KIT: variants seen among roughly 807,000 people sequenced by gnomAD.
KIT encodes mast/stem cell growth factor receptor Kit.
KIT carries 16 observed loss-of-function variants against 105.7 expected under a neutral mutation model. The observed-to-expected ratio is 0.15, with a 90% CI of 0.10 to 0.23. KIT has a LOEUF of 0.23. Ranked by LOEUF, KIT falls within the 10% of genes least tolerant of loss-of-function variation. KIT has a pLI of 1.00. For missense variants in KIT, 858 were observed against 1,213.8 expected, an observed-to-expected ratio of 0.71 and a Z score of 4.36; for synonymous variants, 438 against 441.1, an observed-to-expected ratio of 0.99 and a Z score of 0.09.
intron 1 of KIT, among the ~76,000 whole-genome samples, chr4:54,661,644 GTTGAGATTGAATGACATT>G (rs1452938012): frequency 2.4e-4 from 36 of 152,216 alleles, no homozygotes; most frequent in Non-Finnish European, 5.1e-4. Flanking sequence ...ACTTTTAAAA[GTTGAGATTGAATGACATT>G]TGCAGGAATC....
At chr4:54,692,032 T>C (rs1719747454) in intron 1 of KIT, among the ~76,000 whole-genome samples, 1 of 152,214 alleles carries the variant, frequency 6.6e-6, no homozygotes, top group Middle Eastern at 3.2e-3. Flanking sequence ...CTAACATTTA[T>C]TATGTGTTTT....
At chr4:54,669,359 G>A (rs1332074602) in intron 1 of KIT, among the ~76,000 whole-genome samples, 2 of 152,210 alleles carry the variant, frequency 1.3e-5, no homozygotes, top group Non-Finnish European at 2.9e-5. Context: ...CAGAACCACT[G>A]CCTTTCAAAG....
chr4:54,725,529 A>G (rs1043176051), intron 8 of KIT, among the ~76,000 whole-genome samples: 13 of 152,088 alleles, frequency 8.5e-5, no homozygotes, highest in Non-Finnish European at 1.8e-4. Context: ...CATTTTATTG[A>G]ATTCCTTTCC....
At chr4:54,690,062 G>GT (rs941903332) in intron 1 of KIT, among the ~76,000 whole-genome samples, 5 of 138,406 alleles carry the variant, frequency 3.6e-5, no homozygotes, top group Non-Finnish European at 6.6e-5. Flanking sequence ...TTTTTGTGGG[G>GT]GGGGGGGGCT....
intron 1 of KIT, among the ~76,000 whole-genome samples, chr4:54,682,264 A>G (rs2109610595): frequency 6.6e-6 from 1 of 151,062 alleles, no homozygotes; most frequent in African/African-American, 2.4e-5. Context: ...TAATTTTTGT[A>G]TTTTTTGCAG....
At chr4:54,710,130 A>G (rs899263794) in intron 7 of KIT, among the ~76,000 whole-genome samples, 2 of 152,172 alleles carry the variant, frequency 1.3e-5, no homozygotes, top group African/African-American at 4.8e-5. Context: ...CTGGGGTCCT[A>G]CCGACCCCAC....
intron 1 of KIT, among the ~76,000 whole-genome samples, chr4:54,692,095 A>C (rs1719750841): frequency 6.6e-6 from 1 of 152,196 alleles, no homozygotes; most frequent in Non-Finnish European, 1.5e-5. Flanking sequence ...TTATAAAATA[A>C]GTACTGTTAG....
intron 1 of KIT, among the ~76,000 whole-genome samples, chr4:54,674,448 G>C (rs1004866660): frequency 6.6e-6 from 1 of 152,164 alleles, no homozygotes; most frequent in African/African-American, 2.4e-5. Flanking sequence ...TTGTCATCTA[G>C]AGTTGTTGTG....
At chr4:54,721,948 A>G (rs1721904970) in intron 7 of KIT, among the ~76,000 whole-genome samples, 1 of 152,204 alleles carries the variant, frequency 6.6e-6, no homozygotes. Flanking sequence ...TTGGTTATCC[A>G]AGAAAGGTAG....
chr4:54,709,063 A>G (rs2109712676), intron 6 of KIT, among the ~76,000 whole-genome samples: 1 of 149,668 alleles, frequency 6.7e-6, no homozygotes, highest in East Asian at 2.1e-4. Context: ...GACACTGTGG[A>G]GAGCAGGCTC....
chr4:54,736,597 C>T lies in KIT; in HGVS notation c.2584C>T (p.Leu862=), dbSNP rs779706462. Residue 862 remains leucine (L), a synonymous_variant, in exon 18 of 21, where the codon CTG becomes TTG. Coordinates refer to ENST00000288135, the MANE Select transcript of KIT (RefSeq NM_000222.3). ...VWSYGIFLWE[L]FSLGSSPYPG... ...GTCCTATGGGATTTTTCTTTGGGAG[C>T]TGTTCTCTTTAGGTAAAATGATCCT... is the stretch of plus-strand genomic sequence containing the variant. The T allele has an allele frequency of 1.9e-6, 3 of 1,612,992 alleles. No individual in the cohort carries two copies. The highest frequency in any genetic ancestry group is 1.1e-5 in the South Asian group (1 of 91,068).
chr4:54,670,494 G>A (rs1035743985), intron 1 of KIT, among the ~76,000 whole-genome samples: 1 of 152,126 alleles, frequency 6.6e-6, no homozygotes, highest in African/African-American at 2.4e-5. Flanking sequence ...ATCACAAGTT[G>A]CCTGTGAAAA....
intron 4 of KIT, among the ~76,000 whole-genome samples, chr4:54,702,129 G>T (rs1476064620): frequency 6.6e-6 from 1 of 151,966 alleles, no homozygotes; most frequent in African/African-American, 2.4e-5. Flanking sequence ...TTTGTGTGTG[G>T]TTACTTTAAT....
intron 7 of KIT, among the ~76,000 whole-genome samples, chr4:54,715,873 G>T (rs1397416351): frequency 6.6e-6 from 1 of 152,124 alleles, no homozygotes; most frequent in Admixed American, 6.5e-5. Flanking sequence ...AATAATAACG[G>T]CAGTCTTGCC....
At chr4:54,718,256 A>G (rs991892726) in intron 7 of KIT, among the ~76,000 whole-genome samples, 10 of 152,208 alleles carry the variant, frequency 6.6e-5, no homozygotes, top group African/African-American at 2.4e-4. Flanking sequence ...ACCTGCCACC[A>G]TGCCTGGCTT....
intron 1 of KIT, among the ~76,000 whole-genome samples, chr4:54,690,063 G>A (rs200613516): frequency 2.2e-5 from 3 of 139,064 alleles, no homozygotes; most frequent in African/African-American, 5.0e-5. Context: ...TTTTGTGGGG[G>A]GGGGGGGCTG....
At chr4:54,679,381 A>G (rs1203433500) in intron 1 of KIT, among the ~76,000 whole-genome samples, 1 of 152,202 alleles carries the variant, frequency 6.6e-6, no homozygotes, top group East Asian at 1.9e-4. Flanking sequence ...TATCAAGGGC[A>G]GTAACCTTTT....
intron 1 of KIT, among the ~76,000 whole-genome samples, chr4:54,695,115 C>T (rs1289912730): frequency 6.6e-6 from 1 of 152,142 alleles, no homozygotes; most frequent in Admixed American, 6.5e-5. Flanking sequence ...AGTGACAGGC[C>T]AGTAGTTTCT....
At chr4:54,662,748 CT>C (rs1717376047) in intron 1 of KIT, among the ~76,000 whole-genome samples, 1 of 151,950 alleles carries the variant, frequency 6.6e-6, no homozygotes, top group South Asian at 2.1e-4. Flanking sequence ...AATTTTTGTA[CT>C]TTTAGTAGAG....
Sources: gnomAD v4.1 joint callset for allele counts (sites outside exome capture counted in the v4.1 genomes callset) on GRCh38, gnomAD v4.1.1 for gene constraint, MANE v1.5 for transcripts, NCBI Gene and HGNC (gene_info 2026-07-23, HGNC 2026-07-21) for gene names.